Variants in SPON1 observed in about 807,000 individuals in gnomAD.
The protein encoded by SPON1 is spondin-1.
Under a neutral mutation model 111.7 loss-of-function variants are expected in SPON1, and 52 were observed. The ratio of observed to expected loss-of-function variants is 0.47; its 90% CI spans 0.37 to 0.59. SPON1 has a LOEUF of 0.59. SPON1 is among the 20% of genes least tolerant of loss of function. The probability of loss-of-function intolerance (pLI) is 0.00; values close to 1 mark genes in which losing one functional copy is unlikely to be tolerated. For synonymous variants in SPON1, 410 were observed against 395.8 expected (o/e 1.04, Z -0.43); for missense variants, 957 against 1,068.5 (o/e 0.90, Z 1.46).
chr11:14,222,871 A>G (rs1177667961), intron 6 of SPON1, among the ~76,000 whole-genome samples: 1 of 152,196 alleles, frequency 6.6e-6, no homozygotes, highest in Non-Finnish European at 1.5e-5. Context: ...TAGAGGTGGG[A>G]AAAGATGCAT....
chr11:14,171,075 G>A (rs1333185525), intron 6 of SPON1, among the ~76,000 whole-genome samples: 1 of 152,190 alleles, frequency 6.6e-6, no homozygotes, highest in Non-Finnish European at 1.5e-5. Context: ...AATGGTACCA[G>A]CTCCTCCTTG....
chr11:14,170,822 C>G (rs1554932377), intron 6 of SPON1, among the ~76,000 whole-genome samples: 1 of 152,150 alleles, frequency 6.6e-6, no homozygotes, highest in African/African-American at 2.4e-5. Context: ...GTTGAATCAG[C>G]CTTGCATCCC....
intron 1 of SPON1, among the ~76,000 whole-genome samples, chr11:13,972,323 G>A (rs1848069881): frequency 6.6e-6 from 1 of 152,208 alleles, no homozygotes; most frequent in Admixed American, 6.5e-5. Context: ...TGGAAGGCCT[G>A]CTTCCCTCTT....
Position 13,962,940 on chromosome 11 carries a change from G to A in SPON1, c.36G>A (p.Arg12=), listed in dbSNP as rs1554907632. 6.3e-7 allele frequency: 1 copy of A among 1,576,416 alleles called. No homozygotes were observed. Among genetic ancestry groups the A allele is most frequent in the Non-Finnish European group, 8.6e-7 (1 of 1,164,098 alleles). Residue 12 remains arginine (R), a synonymous_variant, in exon 1 of 16, where the codon CGG becomes CGA. Transcript: ENST00000576479. ...RLSPAPLKLS[R]TPALLALALP... is the part of the protein sequence containing the mutation. ...CCCCGGCGCCCCTGAAGCTGAGCCG[G>A]ACTCCGGCACTGCTGGCCCTGGCGC...
At chr11:14,205,136 A>G (rs1267135161) in intron 6 of SPON1, among the ~76,000 whole-genome samples, 1 of 152,078 alleles carries the variant, frequency 6.6e-6, no homozygotes, top group Non-Finnish European at 1.5e-5. Context: ...TCTTCTCTGC[A>G]TGGTAAATCT....
intron 1 of SPON1, among the ~76,000 whole-genome samples, chr11:13,973,766 GT>G (rs1486333433): frequency 7.2e-5 from 11 of 152,174 alleles, no homozygotes; most frequent in Admixed American, 7.2e-4. Context: ...TATTACTGCT[GT>G]TTTACAGGTA....
At chr11:14,169,852 T>C (rs1421428573) in intron 6 of SPON1, among the ~76,000 whole-genome samples, 1 of 152,206 alleles carries the variant, frequency 6.6e-6, no homozygotes. Flanking sequence ...TCCATTGGTC[T>C]ATATCTCTGT....
chr11:14,072,042 A>G (rs1554920976), intron 3 of SPON1, among the ~76,000 whole-genome samples: 1 of 152,176 alleles, frequency 6.6e-6, no homozygotes, highest in African/African-American at 2.4e-5. Flanking sequence ...GTGTTTGATT[A>G]TAGAGGTATT....
intron 5 of SPON1, among the ~76,000 whole-genome samples, chr11:14,121,793 A>G (rs1847391595): frequency 6.6e-6 from 1 of 152,188 alleles, no homozygotes; most frequent in South Asian, 2.1e-4. Context: ...TGTGCTAATA[A>G]TAAATTCACA....
At chr11:13,985,352 C>G (rs1459226986) in intron 2 of SPON1, among the ~76,000 whole-genome samples, 1 of 152,204 alleles carries the variant, frequency 6.6e-6, no homozygotes, top group Non-Finnish European at 1.5e-5. Context: ...TGCTTGTGTG[C>G]CAGATACTGT....
At chr11:14,088,060 C>A (rs1343517747) in intron 5 of SPON1, among the ~76,000 whole-genome samples, 1 of 151,846 alleles carries the variant, frequency 6.6e-6, no homozygotes. Flanking sequence ...ATACAGCACA[C>A]TGATGAGTCT....
intron 5 of SPON1, among the ~76,000 whole-genome samples, chr11:14,102,623 C>G (rs1015607032): frequency 6.6e-6 from 1 of 152,132 alleles, no homozygotes; most frequent in African/African-American, 2.4e-5. Flanking sequence ...ATTTACTTGT[C>G]AGGTCTCTTT....
At chr11:14,152,714 G>A (rs1490618776) in intron 6 of SPON1, among the ~76,000 whole-genome samples, 1 of 152,138 alleles carries the variant, frequency 6.6e-6, no homozygotes, top group African/African-American at 2.4e-5. Flanking sequence ...ATATTATCTT[G>A]AGAAAAATGA....
intron 6 of SPON1, among the ~76,000 whole-genome samples, chr11:14,197,295 A>G (rs1227080521): frequency 6.6e-6 from 1 of 152,146 alleles, no homozygotes; most frequent in Admixed American, 6.6e-5. Flanking sequence ...CTGGCATTTC[A>G]GAGATTCTGA....
At chr11:13,994,946 T>C (rs1554911613) in intron 2 of SPON1, among the ~76,000 whole-genome samples, 1 of 152,250 alleles carries the variant, frequency 6.6e-6, no homozygotes, top group Non-Finnish European at 1.5e-5. Flanking sequence ...TGAATGAATA[T>C]TGAAATATAA....
At chr11:14,257,582 C>G (rs1346595618) in intron 10 of SPON1, 134 bp from the exon 11 acceptor site, 4 of 693,874 alleles carry the variant, frequency 5.8e-6, no homozygotes, top group Non-Finnish European at 9.0e-6. Context: ...TGCTTCCATC[C>G]CAGGAGCACC....
intron 3 of SPON1, among the ~76,000 whole-genome samples, chr11:14,044,546 C>A (rs1471998672): frequency 6.6e-6 from 1 of 152,136 alleles, no homozygotes; most frequent in Non-Finnish European, 1.5e-5. Context: ...TGAGGGGTGG[C>A]AGTTGCAGTG....
chr11:14,156,235 T>G (rs2133870911), intron 6 of SPON1, among the ~76,000 whole-genome samples: 3 of 146,858 alleles, frequency 2.0e-5, no homozygotes, highest in Middle Eastern at 6.9e-3. Flanking sequence ...TGCATTTCTC[T>G]GATGGCCGTG....
chr11:14,056,862 G>GC (rs1554919227), intron 3 of SPON1, among the ~76,000 whole-genome samples: 2 of 152,278 alleles, frequency 1.3e-5, no homozygotes, highest in Admixed American at 1.3e-4. Context: ...CTGCACTCCA[G>GC]CCTGGGTGAC....
Sources: gnomAD v4.1 joint callset for allele counts (sites outside exome capture counted in the v4.1 genomes callset) on GRCh38, gnomAD v4.1.1 for gene constraint, MANE v1.5 for transcripts, NCBI Gene and HGNC (gene_info 2026-07-23, HGNC 2026-07-21) for gene names.